EPHB1: variants seen among roughly 807,000 people sequenced by gnomAD.
EPHB1 encodes EPH receptor B1, also known as ephrin type-B receptor 1.
Under a neutral mutation model 94.4 loss-of-function variants are expected in EPHB1, and 30 were observed. That is an observed-to-expected ratio of 0.32 (90% CI 0.24 to 0.43). The LOEUF (loss-of-function observed/expected upper bound fraction) is 0.43, where lower values mean the gene tolerates loss of function less well. EPHB1 is among the 20% of genes least tolerant of loss of function. EPHB1 has a pLI of 1.00. For synonymous variants in EPHB1, 522 were observed against 489.1 expected, an observed-to-expected ratio of 1.07 and a Z score of -0.89; for missense variants, 1,055 against 1,308.3, an observed-to-expected ratio of 0.81 and a Z score of 2.99.
intron 1 of EPHB1, among the ~76,000 whole-genome samples, chr3:134,905,345 T>G (rs187586): frequency 6.6e-6 from 1 of 152,056 alleles, no homozygotes; most frequent in South Asian, 2.1e-4. Context: ...CCAAACTGAT[T>G]GTGGAGTGTG....
chr3:135,074,460 A>G (rs58113808), intron 3 of EPHB1, among the ~76,000 whole-genome samples: 2,260 of 152,316 alleles, frequency 0.015, 60 homozygotes, highest in African/African-American at 0.052. Flanking sequence ...TTCTAGGGTT[A>G]ATTCTACTGC....
chr3:134,876,098 C>T (rs2037611686), intron 1 of EPHB1, among the ~76,000 whole-genome samples: 3 of 152,194 alleles, frequency 2.0e-5, no homozygotes. Flanking sequence ...TCTAGGGCTC[C>T]TCAGTCCCTG....
chr3:135,254,673 CTCTT>C (rs1933291139), intron 15 of EPHB1, among the ~76,000 whole-genome samples: 1 of 142,744 alleles, frequency 7.0e-6, no homozygotes, highest in African/African-American at 2.5e-5. Context: ...GTCTAAAATT[CTCTT>C]TTTTTTGTGT....
At chr3:135,052,560 A>G (rs1362028600) in intron 3 of EPHB1, among the ~76,000 whole-genome samples, 1 of 151,982 alleles carries the variant, frequency 6.6e-6, no homozygotes, top group Non-Finnish European at 1.5e-5. Context: ...CTCATAAAGA[A>G]ACCTTATAAA....
Position 134,806,014 on chromosome 3 carries a change from G to T in EPHB1, c.58+10325G>T, listed in dbSNP as rs147452530. Among the ~76,000 whole-genome samples the T allele has an allele frequency of 5.4e-3, 819 of 152,178 alleles. 6 individuals carry two copies. Among genetic ancestry groups the T allele is most frequent in the African/African-American group, 0.019 (772 of 41,496 alleles). On this transcript the variant is annotated intron_variant, in intron 1 of 15. Transcript: ENST00000398015. ...CCAGCACATAGCACCCCCAGCACAT[G>T]GCACATAGGAGGTGTCAATAAGTAT...
chr3:134,931,112 C>T (rs1275477565), intron 2 of EPHB1, among the ~76,000 whole-genome samples: 1 of 152,204 alleles, frequency 6.6e-6, no homozygotes, highest in Non-Finnish European at 1.5e-5. Context: ...AACCCAAATG[C>T]ACTGTAACAT....
intron 1 of EPHB1, among the ~76,000 whole-genome samples, chr3:134,873,039 T>C (rs928939494): frequency 1.4e-4 from 22 of 152,222 alleles, no homozygotes; most frequent in African/African-American, 5.3e-4. Flanking sequence ...CATTTCTAGA[T>C]GTTTGATACA....
At chr3:135,145,442 A>G (rs1057468762) in intron 5 of EPHB1, among the ~76,000 whole-genome samples, 4 of 152,166 alleles carry the variant, frequency 2.6e-5, no homozygotes, top group African/African-American at 9.7e-5. Flanking sequence ...GAGACTGCTC[A>G]GCATTGTTTG....
chr3:134,994,021 T>G (rs570643747), intron 3 of EPHB1, among the ~76,000 whole-genome samples: 1 of 152,340 alleles, frequency 6.6e-6, no homozygotes, highest in South Asian at 2.1e-4. Context: ...TGCCATCTCT[T>G]CCATGAAGCC....
intron 3 of EPHB1, among the ~76,000 whole-genome samples, chr3:135,025,257 C>CT (rs1936119895): frequency 7.9e-6 from 1 of 126,124 alleles, no homozygotes. Context: ...CATGTGCACA[C>CT]TGTGCAGGTT....
chr3:135,104,028 G>C (rs1175635722), intron 3 of EPHB1, among the ~76,000 whole-genome samples: 2 of 152,228 alleles, frequency 1.3e-5, no homozygotes, highest in African/African-American at 4.8e-5. Flanking sequence ...AAAACACCTT[G>C]TTCTTGTTGG....
chr3:135,027,053 C>T (rs371274356), intron 3 of EPHB1, among the ~76,000 whole-genome samples: 2 of 142,068 alleles, frequency 1.4e-5, no homozygotes, highest in Non-Finnish European at 3.1e-5. Flanking sequence ...GTGATTTTTG[C>T]ACATTGATTT....
intron 3 of EPHB1, among the ~76,000 whole-genome samples, chr3:135,029,228 A>G (rs1327547951): frequency 1.5e-5 from 2 of 136,194 alleles, no homozygotes; most frequent in Non-Finnish European, 3.2e-5. Context: ...TTTACATTTA[A>G]AGTTAATAGT....
chr3:135,108,930 C>A (rs1022865646), intron 4 of EPHB1, among the ~76,000 whole-genome samples: 10 of 152,186 alleles, frequency 6.6e-5, no homozygotes, highest in African/African-American at 2.4e-4. Context: ...CAGTGGGAAT[C>A]ACCTTCAGTG....
intron 3 of EPHB1, among the ~76,000 whole-genome samples, chr3:135,048,534 T>C (rs931996179): frequency 6.6e-6 from 1 of 152,178 alleles, no homozygotes; most frequent in Non-Finnish European, 1.5e-5. Context: ...CCTCCCAAAG[T>C]GCTGGGATTA....
At position 134,956,334 on chromosome 3, in the gene EPHB1, C is replaced by T. The variant is rs1184802174; in HGVS notation, c.805+4282C>T. 2.4e-4 allele frequency among the ~76,000 whole-genome samples: 36 copies of T among 152,084 alleles called. 1 individual carries two copies. Among genetic ancestry groups the T allele is most frequent in the Admixed American group, 2.4e-3 (36 of 15,268 alleles). On this transcript the variant is annotated intron_variant, in intron 3 of 15. Transcript: ENST00000398015. ...CTGCCTGAGGGCTTGGCTTTCCCTCCCAGGACATAGTCCTTGGAGTTTCCA... is the reference window on the plus strand; with the variant it reads ...CTGCCTGAGGGCTTGGCTTTCCCTCTCAGGACATAGTCCTTGGAGTTTCCA...
At chr3:135,024,666 T>G (rs982319460) in intron 3 of EPHB1, among the ~76,000 whole-genome samples, 1 of 152,178 alleles carries the variant, frequency 6.6e-6, no homozygotes, top group East Asian at 1.9e-4. Flanking sequence ...GTAAATTAAT[T>G]TCTATTTTTA....
At position 135,034,851 on chromosome 3, in the gene EPHB1, TAG is replaced by T. The variant is rs1396296395; in HGVS notation, c.806-71595_806-71594del. Among the ~76,000 whole-genome samples the T allele has an allele frequency of 4.6e-5, 7 of 152,198 alleles. No homozygotes were observed. The South Asian group carries it at 1.2e-3, about 27-fold the overall frequency. ...GAGCCTTTTGAAACCTTCCTGGGTGTAGACCCTACAGGATAGCCTCTGCCTGT... is the reference window on the plus strand; with the variant it reads ...GAGCCTTTTGAAACCTTCCTGGGTGTACCCTACAGGATAGCCTCTGCCTGT... On this transcript the variant is annotated intron_variant, in intron 3 of 15. Coordinates refer to ENST00000398015, the MANE Select transcript of EPHB1 (RefSeq NM_004441.5).
chr3:135,124,754 C>A (rs1940130383), intron 4 of EPHB1, among the ~76,000 whole-genome samples: 1 of 151,660 alleles, frequency 6.6e-6, no homozygotes, highest in Admixed American at 6.6e-5. Flanking sequence ...ATAAAATTTT[C>A]TCTGATAAGG....
Sources: allele counts gnomAD v4.1 joint callset (sites outside exome capture counted in the v4.1 genomes callset), GRCh38; gene constraint gnomAD v4.1.1; transcripts MANE v1.5; gene names NCBI Gene and HGNC (gene_info 2026-07-23, HGNC 2026-07-21).